The following CAMTA1 variants were observed in gnomAD, a reference collection of about 807,000 sequenced individuals.
CAMTA1 encodes calmodulin-binding transcription activator 1.
A neutral mutation model predicts 170.9 loss-of-function variants in CAMTA1; 27 were observed. The observed-to-expected ratio is 0.16, with a 90% CI of 0.12 to 0.22. The LOEUF is 0.22. CAMTA1 is among the 10% of genes least tolerant of loss of function. The probability of loss-of-function intolerance (pLI) is 1.00; values close to 1 mark genes in which losing one functional copy is unlikely to be tolerated. For missense variants in CAMTA1, 1,619 were observed against 2,217.2 expected (o/e 0.73, Z 5.42); for synonymous variants, 833 against 891.5 (o/e 0.93, Z 1.17).
rs1646060088 is a variant in CAMTA1, at chr1:7,144,353, C to T, written c.302+52982C>T. Among the ~76,000 whole-genome samples, 1 of 152,100 alleles carries T rather than the reference C, an allele frequency of 6.6e-6. No homozygotes were observed. Among genetic ancestry groups the T allele is most frequent in the Non-Finnish European group, 1.5e-5 (1 of 68,028 alleles). Reference sequence around the variant, plus strand: ...AGAGAGTCTCTTTTCGTTCTAAGGCCACCAATTCTATTGGATACAGACCCT... The same window carrying T: ...AGAGAGTCTCTTTTCGTTCTAAGGCTACCAATTCTATTGGATACAGACCCT... On this transcript the variant is annotated intron_variant, in intron 4 of 22. Coordinates refer to ENST00000303635, the MANE Select transcript of CAMTA1 (RefSeq NM_015215.4). The surrounding 1 kb of genome is among the most constrained non-coding windows in gnomAD (Gnocchi z 4.0).
rs1219012126 is a variant in CAMTA1 at position 7,455,795 on chromosome 1, TCTGGGCAGCA to T, written c.439-12032_439-12023del. ...CCACAGGAGAAGAGAGCCACTGATT[TCTGGGCAGCA>T]CTTGGCCCTCCGTGCCGTCCAGAAT... On this transcript the variant is annotated intron_variant, in intron 5 of 22. Coordinates refer to ENST00000303635, the MANE Select transcript of CAMTA1 (RefSeq NM_015215.4). This position sits in a 1 kb window ranked among gnomAD's most constrained non-coding sequence, Gnocchi z 5.0. Among the ~76,000 whole-genome samples, 1 of 152,236 alleles carries T rather than the reference TCTGGGCAGCA, an allele frequency of 6.6e-6. No individual in the cohort carries two copies. Among genetic ancestry groups the T allele is most frequent in the African/African-American group, 2.4e-5 (1 of 41,468 alleles).
At chr1:7,616,578 G>T (rs1363295218) in intron 6 of CAMTA1, among the ~76,000 whole-genome samples, 1 of 152,218 alleles carries the variant, frequency 6.6e-6, no homozygotes, top group African/African-American at 2.4e-5. Flanking sequence ...GGGTGACTGG[G>T]GGGCATTTGG....
At chr1:7,675,453 T>C (rs2096108483) in intron 10 of CAMTA1, among the ~76,000 whole-genome samples, 1 of 152,068 alleles carries the variant, frequency 6.6e-6, no homozygotes, top group Non-Finnish European at 1.5e-5. Flanking sequence ...GTGGGAAAGA[T>C]GATTCTAGGT....
intron 6 of CAMTA1, among the ~76,000 whole-genome samples, chr1:7,575,767 A>G (rs913422184): frequency 6.6e-6 from 1 of 152,242 alleles, no homozygotes; most frequent in Admixed American, 6.5e-5. Flanking sequence ...CTTACTTGTC[A>G]TAGAGCTAAG....
At chr1:7,081,154 T>A (rs1211232758) in intron 3 of CAMTA1, among the ~76,000 whole-genome samples, 1 of 152,200 alleles carries the variant, frequency 6.6e-6, no homozygotes, top group East Asian at 1.9e-4. Context: ...GGAGGGACTG[T>A]CTCCTGAGGG....
intron 6 of CAMTA1, among the ~76,000 whole-genome samples, chr1:7,572,982 C>A (rs943751826): frequency 6.6e-6 from 1 of 152,208 alleles, no homozygotes; most frequent in African/African-American, 2.4e-5. Flanking sequence ...GCAGCCGGCG[C>A]CTGAACTCAC....
intron 22 of CAMTA1, among the ~76,000 whole-genome samples, chr1:7,757,498 G>A (rs2096939255): frequency 6.6e-6 from 1 of 152,196 alleles, no homozygotes; most frequent in Non-Finnish European, 1.5e-5. Context: ...CGGCCATGGT[G>A]GCTCATGCCT....
At chr1:7,022,094 G>C (rs1202146806) in intron 3 of CAMTA1, among the ~76,000 whole-genome samples, 1 of 152,192 alleles carries the variant, frequency 6.6e-6, no homozygotes, top group Non-Finnish European at 1.5e-5. Context: ...ACTAGTTGTG[G>C]GATGGGACAG....
chr1:7,045,898 A>G (rs770911279), intron 3 of CAMTA1, among the ~76,000 whole-genome samples: 20 of 152,232 alleles, frequency 1.3e-4, no homozygotes, highest in Non-Finnish European at 2.6e-4. Context: ...TGATATGGAA[A>G]GGTAATGTTA....
At chr1:7,223,015 AC>A (rs1218142868) in intron 4 of CAMTA1, among the ~76,000 whole-genome samples, 2 of 152,080 alleles carry the variant, frequency 1.3e-5, no homozygotes, top group African/African-American at 4.8e-5. Flanking sequence ...AAGATCTCAA[AC>A]CTTTTTTTCT....
intron 3 of CAMTA1, among the ~76,000 whole-genome samples, chr1:6,925,414 G>C (rs796808165): frequency 1.6e-4 from 24 of 152,358 alleles, no homozygotes; most frequent in African/African-American, 4.6e-4. Flanking sequence ...CTTTCGAGGG[G>C]GAAAGGCTTG....
chr1:7,766,367 AG>A, intron 22 of CAMTA1, 91 bp from the exon 23 acceptor site: 1 of 1,164,476 alleles, frequency 8.6e-7, no homozygotes, highest in African/African-American at 1.5e-5. Context: ...TTGGCTTTTC[AG>A]TTCAGAGGGA....
chr1:6,917,747 A>G (rs1303796680), intron 3 of CAMTA1, among the ~76,000 whole-genome samples: 2 of 139,978 alleles, frequency 1.4e-5, no homozygotes, highest in East Asian at 4.3e-4. Context: ...CAGATTTGGG[A>G]GTAGAGAGGA....
chr1:7,149,893 G>A (rs986631652), intron 4 of CAMTA1, among the ~76,000 whole-genome samples: 5 of 152,304 alleles, frequency 3.3e-5, no homozygotes, highest in East Asian at 1.9e-4. Context: ...TCCTGATAAC[G>A]ATTCACGAAT....
intron 6 of CAMTA1, among the ~76,000 whole-genome samples, chr1:7,546,422 A>C (rs1382896243): frequency 6.6e-6 from 1 of 152,180 alleles, no homozygotes; most frequent in Non-Finnish European, 1.5e-5. Flanking sequence ...ATTTGGGTTA[A>C]TTCTGTGTCT....
chr1:7,166,747 T>A (rs1648531772), intron 4 of CAMTA1, among the ~76,000 whole-genome samples: 1 of 152,172 alleles, frequency 6.6e-6, no homozygotes, highest in African/African-American at 2.4e-5. Flanking sequence ...TTCATTTTGA[T>A]ACTTTTAAGA....
chr1:6,875,702 C>T (rs1187671626), intron 3 of CAMTA1, among the ~76,000 whole-genome samples: 1 of 152,284 alleles, frequency 6.6e-6, no homozygotes, highest in East Asian at 1.9e-4. Context: ...CTTTTAGGGA[C>T]TCTTATTACC....
chr1:6,796,292 C>CA (rs1048704657), intron 1 of CAMTA1, among the ~76,000 whole-genome samples: 43 of 152,080 alleles, frequency 2.8e-4, no homozygotes, highest in African/African-American at 1.0e-3. Context: ...CACGCGCCAC[C>CA]ATGCCTGGCT....
Position 7,249,353 on chromosome 1 carries a change from T to A in CAMTA1, c.303-138T>A. The stretch of plus-strand genomic sequence containing the variant: ...ACATGGTTAATCCAGGGAGATGCAA[T>A]AAAAGGTGAAAAATTATGTTCCAGC... On this transcript the variant is annotated intron_variant, in intron 4 of 22. Coordinates refer to ENST00000303635, the MANE Select transcript of CAMTA1 (RefSeq NM_015215.4). This position sits in a 1 kb window ranked among gnomAD's most constrained non-coding sequence, Gnocchi z 4.4. 2 of 920,458 alleles carry A rather than the reference T, an allele frequency of 2.2e-6. No homozygotes were observed. The highest frequency in any genetic ancestry group is 1.6e-6 in the Non-Finnish European group (1 of 617,682). The allele number at this position is 920,458 out of a possible 1,614,324, so 57.0% of individuals were successfully genotyped here.
Sources: allele counts gnomAD v4.1 joint callset (sites outside exome capture counted in the v4.1 genomes callset), GRCh38; gene constraint gnomAD v4.1.1; non-coding constraint Gnocchi (gnomAD v3.1); transcripts MANE v1.5; gene names NCBI Gene and HGNC (gene_info 2026-07-23, HGNC 2026-07-21).